Variants in PDZD2 observed in about 807,000 individuals in gnomAD.
The protein encoded by PDZD2 is PDZ domain-containing protein 2.
PDZD2 carries 90 observed loss-of-function variants against 220.7 expected under a neutral mutation model. The ratio of observed to expected loss-of-function variants is 0.41; its 90% CI spans 0.34 to 0.49. PDZD2 has a LOEUF of 0.49. PDZD2 is among the 20% of genes least tolerant of loss of function. PDZD2 has a pLI of 0.28. For synonymous variants in PDZD2, 1,375 were observed against 1,450.5 expected (o/e 0.95, Z 1.18); for missense variants, 3,174 against 3,608.5 (o/e 0.88, Z 3.08).
chr5:31,677,770 C>T (rs1746491972), intron 1 of PDZD2, among the ~76,000 whole-genome samples: 2 of 152,066 alleles, frequency 1.3e-5, no homozygotes, highest in African/African-American at 4.8e-5. Context: ...AAAAAGAGTA[C>T]ATACGGCATA....
At chr5:31,825,926 A>C (rs1756183767) in intron 2 of PDZD2, among the ~76,000 whole-genome samples, 1 of 110,560 alleles carries the variant, frequency 9.0e-6, no homozygotes, top group Non-Finnish European at 1.9e-5. Context: ...ACAGGTGTCA[A>C]GCAAAAGGAA....
intron 2 of PDZD2, among the ~76,000 whole-genome samples, chr5:31,868,859 C>T (rs1373146989): frequency 1.3e-5 from 2 of 152,140 alleles, no homozygotes; most frequent in African/African-American, 4.8e-5. Flanking sequence ...GGAACCACCG[C>T]CTCCCGGGTT....
At chr5:31,910,503 G>C (rs1450966870) in intron 2 of PDZD2, among the ~76,000 whole-genome samples, 1 of 148,094 alleles carries the variant, frequency 6.8e-6, no homozygotes, top group African/African-American at 2.5e-5. Flanking sequence ...CGATTCTCTT[G>C]CCTCAGCCTC....
intron 1 of PDZD2, among the ~76,000 whole-genome samples, chr5:31,715,435 C>T (rs253933): frequency 2.0e-5 from 3 of 152,112 alleles, no homozygotes; most frequent in South Asian, 2.1e-4. Context: ...GTGCACATCC[C>T]GGAACCAAAT....
intron 2 of PDZD2, among the ~76,000 whole-genome samples, chr5:31,947,816 A>G (rs776430785): frequency 6.6e-6 from 1 of 151,342 alleles, no homozygotes; most frequent in African/African-American, 2.4e-5. Flanking sequence ...GACCTGGTCT[A>G]TGCGTCTGTT....
At chr5:31,871,062 G>A (rs975095984) in intron 2 of PDZD2, among the ~76,000 whole-genome samples, 1 of 152,144 alleles carries the variant, frequency 6.6e-6, no homozygotes, top group Non-Finnish European at 1.5e-5. Flanking sequence ...GTGAGAGCGA[G>A]AGTTGGGAAG....
intron 2 of PDZD2, among the ~76,000 whole-genome samples, chr5:31,820,263 C>G (rs948779339): frequency 6.6e-5 from 10 of 152,212 alleles, no homozygotes; most frequent in Admixed American, 5.2e-4. Flanking sequence ...AGCCCAAGCA[C>G]TTAGGTTCTT....
intron 1 of PDZD2, among the ~76,000 whole-genome samples, chr5:31,736,967 G>GTAAAAGCTTCCTGAA (rs60134227): frequency 1.3e-5 from 2 of 151,716 alleles, no homozygotes; most frequent in South Asian, 4.2e-4. Flanking sequence ...TCCACCATGA[G>GTAAAAGCTTCCTGAA]GCCTCCCCAG....
intron 1 of PDZD2, among the ~76,000 whole-genome samples, chr5:31,707,102 A>G (rs1456829655): frequency 1.5e-5 from 2 of 135,484 alleles, no homozygotes; most frequent in Non-Finnish European, 3.1e-5. Context: ...GAATTGAACA[A>G]TGAGAACACT....
At position 32,088,066 on chromosome 5, in the gene PDZD2, C is replaced by T; in HGVS notation, c.4618C>T (p.Leu1540=). The T allele has an allele frequency of 6.2e-7, 1 of 1,614,062 alleles. No individual in the cohort carries two copies. Among genetic ancestry groups the T allele is most frequent in the Non-Finnish European group, 8.5e-7 (1 of 1,179,892 alleles). Residue 1540 remains leucine (L), a synonymous_variant, in exon 20 of 25, where the codon CTG becomes TTG. Transcript: ENST00000438447. The surrounding 1 kb of genome is among the most constrained non-coding windows in gnomAD (Gnocchi z 4.6). ...FHEDSTSLSG[L]GDSTEPSLSS... ...TGAAGACAGCACCTCCCTATCAGGC[C>T]TGGGTGACAGCACGGAGCCGTCTCT...
chr5:31,929,872 G>T (rs540211837), intron 2 of PDZD2, among the ~76,000 whole-genome samples: 399 of 152,286 alleles, frequency 2.6e-3, no homozygotes, highest in Non-Finnish European at 4.9e-3. Flanking sequence ...AACGCTGGGG[G>T]CTGGGGCCTG....
chr5:31,690,745 G>A (rs1165512103), intron 1 of PDZD2, among the ~76,000 whole-genome samples: 3 of 152,166 alleles, frequency 2.0e-5, no homozygotes, highest in Non-Finnish European at 4.4e-5. Flanking sequence ...TCCAGGACAA[G>A]CACCTCCTTT....
At chr5:31,782,895 G>C (rs1234806598) in intron 1 of PDZD2, among the ~76,000 whole-genome samples, 1 of 151,690 alleles carries the variant, frequency 6.6e-6, no homozygotes, top group Admixed American at 6.6e-5. Context: ...TGTATTTTTA[G>C]TAGAGACGGG....
chr5:31,717,116 AT>A (rs111524312), intron 1 of PDZD2, among the ~76,000 whole-genome samples: 1 of 151,986 alleles, frequency 6.6e-6, no homozygotes, highest in African/African-American at 2.4e-5. Context: ...AATAAAGAAA[AT>A]TAAAAAAAAG....
chr5:31,806,239 C>G (rs1754706627), intron 2 of PDZD2, among the ~76,000 whole-genome samples: 1 of 152,146 alleles, frequency 6.6e-6, no homozygotes, highest in Non-Finnish European at 1.5e-5. Flanking sequence ...GGAGCAGTTA[C>G]AGTATGTGGA....
chr5:31,669,257 G>T (rs183426699), intron 1 of PDZD2, among the ~76,000 whole-genome samples: 161 of 152,112 alleles, frequency 1.1e-3, no homozygotes, highest in African/African-American at 3.7e-3. Context: ...TAAAAATTAG[G>T]CAGGGGTAGT....
chr5:31,881,144 C>T (rs1315281277), intron 2 of PDZD2, among the ~76,000 whole-genome samples: 1 of 151,886 alleles, frequency 6.6e-6, no homozygotes, highest in Non-Finnish European at 1.5e-5. Flanking sequence ...GATCTCTGAT[C>T]AGCAGGTTGG....
chr5:31,702,919 G>C (rs1747664469), intron 1 of PDZD2, among the ~76,000 whole-genome samples: 1 of 152,200 alleles, frequency 6.6e-6, no homozygotes, highest in Non-Finnish European at 1.5e-5. Flanking sequence ...GGGGGAATCA[G>C]GGAGCTATGA....
intron 2 of PDZD2, among the ~76,000 whole-genome samples, chr5:31,869,690 T>C (rs537487425): frequency 6.6e-6 from 1 of 152,230 alleles, no homozygotes; most frequent in African/African-American, 2.4e-5. Context: ...GGGACTCCCT[T>C]GAAGATCCCA....
Sources: gnomAD v4.1 joint callset for allele counts (sites outside exome capture counted in the v4.1 genomes callset) on GRCh38, gnomAD v4.1.1 for gene constraint, Gnocchi (gnomAD v3.1) non-coding constraint, MANE v1.5 for transcripts, NCBI Gene and HGNC (gene_info 2026-07-23, HGNC 2026-07-21) for gene names.